The following SLC10A7 variants were observed in gnomAD, a reference collection of about 807,000 sequenced individuals.
The protein encoded by SLC10A7 is sodium/bile acid cotransporter 7.
SLC10A7 carries 29 observed loss-of-function variants against 43.2 expected under a neutral mutation model. The ratio of observed to expected loss-of-function variants is 0.67; its 90% CI spans 0.50 to 0.92. The LOEUF is 0.92. Among genes scored for constraint, SLC10A7 ranks in the 40% least tolerant of loss-of-function variants. The pLI, the probability that SLC10A7 is intolerant of heterozygous loss-of-function variation, is 0.00. For missense variants in SLC10A7, 295 were observed against 403.2 expected, an observed-to-expected ratio of 0.73 and a Z score of 2.30; for synonymous variants, 152 against 144.8, an observed-to-expected ratio of 1.05 and a Z score of -0.35.
chr4:146,380,477 A>G (rs1737534038), intron 5 of SLC10A7, among the ~76,000 whole-genome samples: 1 of 152,186 alleles, frequency 6.6e-6, no homozygotes, highest in Non-Finnish European at 1.5e-5. Flanking sequence ...TATTTTTGTC[A>G]AATCAGAGAG....
chr4:146,331,113 C>T (rs965357002), intron 5 of SLC10A7, among the ~76,000 whole-genome samples: 9 of 152,126 alleles, frequency 5.9e-5, no homozygotes, highest in African/African-American at 2.2e-4. Context: ...GTCCTCAGTT[C>T]CTCCACTGTT....
rs1729968872 is a variant in SLC10A7 at position 146,433,691 on chromosome 4, T to C, written c.435+9092A>G. ...CACCAGCCTGGGCAACATAGCGAGA[T>C]CCCATCTCTATAAAAATAAAAAAAT... On this transcript the variant is annotated intron_variant, in intron 5 of 11. Transcript: ENST00000335472. Among the ~76,000 whole-genome samples, 9 of 151,704 alleles carry C rather than the reference T, an allele frequency of 5.9e-5. No homozygotes were observed. The South Asian group carries it at 1.9e-3, about 31-fold the overall frequency.
chr4:146,452,192 G>A (rs947144960), intron 4 of SLC10A7, among the ~76,000 whole-genome samples: 2 of 151,984 alleles, frequency 1.3e-5, no homozygotes, highest in African/African-American at 4.8e-5. Flanking sequence ...ATAATCTCTT[G>A]TTCCTATTGC....
chr4:146,405,893 T>C (rs904042970), intron 5 of SLC10A7, among the ~76,000 whole-genome samples: 5 of 152,166 alleles, frequency 3.3e-5, no homozygotes, highest in African/African-American at 1.2e-4. Flanking sequence ...AGAATGTATT[T>C]TATATTCTTC....
chr4:146,371,129 C>T (rs1242346256), intron 5 of SLC10A7, among the ~76,000 whole-genome samples: 2 of 152,134 alleles, frequency 1.3e-5, no homozygotes, highest in African/African-American at 4.8e-5. Flanking sequence ...CATTATCTTA[C>T]AATGTGATAT....
chr4:146,471,318 T>C (rs1287403798), intron 4 of SLC10A7, among the ~76,000 whole-genome samples: 2 of 152,228 alleles, frequency 1.3e-5, no homozygotes, highest in Non-Finnish European at 1.5e-5. Context: ...AAAGTAACTA[T>C]AGAAGTTATC....
intron 1 of SLC10A7, among the ~76,000 whole-genome samples, chr4:146,518,179 A>G (rs1425934923): frequency 1.3e-5 from 2 of 152,212 alleles, no homozygotes; most frequent in African/African-American, 4.8e-5. Flanking sequence ...TTGAAGACCT[A>G]ATGTGCTAAC....
chr4:146,364,483 T>C (rs151085853), intron 5 of SLC10A7, among the ~76,000 whole-genome samples: 3 of 151,806 alleles, frequency 2.0e-5, no homozygotes, highest in South Asian at 2.1e-4. Flanking sequence ...TTGCAGAATA[T>C]GGATAGAAAT....
rs549376244 is a variant in SLC10A7, at chr4:146,441,111, C to T, written c.435+1672G>A. Among the ~76,000 whole-genome samples, 467 of 152,216 alleles carry T rather than the reference C, an allele frequency of 3.1e-3. 2 individuals are homozygous for T. The highest frequency in any genetic ancestry group is 0.01 in the African/African-American group (435 of 41,538). ...TTCTTCACTGACACTAGAAAACTAC[C>T]TCTGTGTAGCAGGAAATCAATAAAT... On this transcript the variant is annotated intron_variant, in intron 5 of 11. Transcript: ENST00000335472.
At chr4:146,471,900 A>T (rs1733602288) in intron 4 of SLC10A7, among the ~76,000 whole-genome samples, 1 of 152,152 alleles carries the variant, frequency 6.6e-6, no homozygotes, top group South Asian at 2.1e-4. Context: ...TAAACATAAA[A>T]TGCTTGAACC....
chr4:146,266,430 C>A (rs1728558561), intron 10 of SLC10A7, among the ~76,000 whole-genome samples: 1 of 152,084 alleles, frequency 6.6e-6, no homozygotes, highest in Non-Finnish European at 1.5e-5. Flanking sequence ...TGGACACACA[C>A]ACACACACAC....
intron 5 of SLC10A7, among the ~76,000 whole-genome samples, chr4:146,326,435 G>A (rs947868652): frequency 6.6e-6 from 1 of 152,202 alleles, no homozygotes; most frequent in Non-Finnish European, 1.5e-5. Context: ...TGAATGAGAT[G>A]TCATGATTTT....
chr4:146,516,207 C>G (rs970256803), intron 2 of SLC10A7, among the ~76,000 whole-genome samples: 2 of 151,876 alleles, frequency 1.3e-5, no homozygotes, highest in African/African-American at 4.8e-5. Context: ...TATGTAATTT[C>G]TTCAAGACCA....
At position 146,480,766 on chromosome 4, in the gene SLC10A7, G is replaced by C. The variant is rs536041388; in HGVS notation, c.396+23083C>G. Among the ~76,000 whole-genome samples, 3 of 152,048 alleles carry C rather than the reference G, an allele frequency of 2.0e-5. No individual in the cohort carries two copies. In the East Asian group the frequency reaches 5.8e-4, roughly 30 times the overall value. On this transcript the variant is annotated intron_variant, in intron 4 of 11. Coordinates refer to ENST00000335472, the MANE Select transcript of SLC10A7 (RefSeq NM_001029998.6). ...GGTTCCGTTCTAAAGATGAAGTTGA[G>C]GTCGATAATTGAAAGCAACCAGAAG...
intron 5 of SLC10A7, among the ~76,000 whole-genome samples, chr4:146,378,286 A>ATC (rs751068796): frequency 5.3e-5 from 8 of 151,934 alleles, no homozygotes; most frequent in African/African-American, 9.7e-5. Context: ...GAAAATTATA[A>ATC]TCTCTCTCTC....
intron 6 of SLC10A7, among the ~76,000 whole-genome samples, chr4:146,319,114 C>T (rs1732520238): frequency 6.6e-6 from 1 of 152,052 alleles, no homozygotes; most frequent in Non-Finnish European, 1.5e-5. Flanking sequence ...TTAATGGTTT[C>T]CTGTCTCTCT....
intron 10 of SLC10A7, among the ~76,000 whole-genome samples, chr4:146,268,326 G>C (rs971097962): frequency 6.6e-6 from 1 of 152,116 alleles, no homozygotes; most frequent in Non-Finnish European, 1.5e-5. Flanking sequence ...TATCCAAAAA[G>C]AGGAATCAGG....
chr4:146,452,514 A>G (rs2149915584), intron 4 of SLC10A7, among the ~76,000 whole-genome samples: 1 of 152,196 alleles, frequency 6.6e-6, no homozygotes, highest in Non-Finnish European at 1.5e-5. Context: ...ATAAAAAGTC[A>G]AAAAAATAAG....
chr4:146,430,578 A>T (rs1033219475), intron 5 of SLC10A7, among the ~76,000 whole-genome samples: 1 of 152,178 alleles, frequency 6.6e-6, no homozygotes, highest in African/African-American at 2.4e-5. Context: ...CTGTACACCA[A>T]CTACTGTTAT....
Sources: gnomAD v4.1 joint callset for allele counts (sites outside exome capture counted in the v4.1 genomes callset) on GRCh38, gnomAD v4.1.1 for gene constraint, MANE v1.5 for transcripts, NCBI Gene and HGNC (gene_info 2026-07-23, HGNC 2026-07-21) for gene names.